The following FRMD7 variants were observed in gnomAD, a reference collection of about 807,000 sequenced individuals.
FRMD7 encodes the protein FERM domain-containing protein 7.
Under a neutral mutation model 44.1 loss-of-function variants are expected in FRMD7, and 14 were observed. That is an observed-to-expected ratio of 0.32 (90% CI 0.21 to 0.50). The LOEUF (loss-of-function observed/expected upper bound fraction) is 0.50. Ranked by LOEUF, FRMD7 falls within the 20% of genes least tolerant of loss-of-function variation. The pLI, the probability that FRMD7 is intolerant of heterozygous loss-of-function variation, is 0.99. For missense variants in FRMD7, 501 were observed against 522.3 expected, an observed-to-expected ratio of 0.96 and a Z score of 0.40; for synonymous variants, 212 against 187.4, an observed-to-expected ratio of 1.13 and a Z score of -1.07.
chrX:132,115,262 G>A (rs1340766292), intron 1 of FRMD7, among the ~76,000 whole-genome samples: 2 of 112,027 alleles, frequency 1.8e-5, no homozygotes, highest in African/African-American at 6.5e-5. Flanking sequence ...TTAGTCTGGG[G>A]CTGGCCCCAG....
At chrX:132,079,024 G>A in intron 11 of FRMD7, 58 bp from the exon 12 acceptor site, 1 of 1,015,454 alleles carries the variant, frequency 9.8e-7, no homozygotes, top group African/African-American at 1.8e-5. Flanking sequence ...TAGGGCTGGG[G>A]GAGGGATCTA....
chrX:132,078,186 C>T lies in FRMD7; in HGVS notation c.1831G>A (p.Gly611Arg), dbSNP rs1927674687. The T allele has an allele frequency of 1.7e-6, 2 of 1,210,062 alleles. No homozygotes were observed. Among genetic ancestry groups the T allele is most frequent in the Non-Finnish European group, 2.2e-6 (2 of 895,198 alleles). ...FPFGSEFRPL[G>R]PCPALSHKAD... The stretch of plus-strand genomic sequence containing the variant: ...TTATGACTGAGAGCAGGACAAGGCC[C>T]TAAAGGTCTAAATTCTGACCCAAAA... Residue 611 changes from glycine to arginine, a missense_variant, in exon 12 of 12, where the codon GGG (glycine) becomes AGG (arginine). Gly to Arg is a moderately radical substitution (Grantham distance 125). This residue lies in a region of FRMD7 where 453 missense variants were observed against 452.7 expected (regional missense o/e 1.00). Transcript: ENST00000298542.
intron 1 of FRMD7, among the ~76,000 whole-genome samples, chrX:132,106,159 T>C (rs1180626980): frequency 1.8e-5 from 2 of 111,512 alleles, no homozygotes; most frequent in African/African-American, 6.5e-5. Flanking sequence ...TACACAAATT[T>C]ACAAGAGAAA....
At chrX:132,120,567 C>T (rs1253153615) in intron 1 of FRMD7, among the ~76,000 whole-genome samples, 1 of 112,896 alleles carries the variant, frequency 8.9e-6, no homozygotes, top group Non-Finnish European at 1.9e-5. Context: ...AATGTTTTTG[C>T]GTTCGGGTTC....
chrX:132,111,635 A>G (rs937902528), intron 1 of FRMD7, among the ~76,000 whole-genome samples: 19 of 111,976 alleles, frequency 1.7e-4, no homozygotes, highest in African/African-American at 5.2e-4. Context: ...AATTTCCATC[A>G]GTCTTTTACT....
intron 1 of FRMD7, among the ~76,000 whole-genome samples, chrX:132,125,827 T>C (rs904130977): frequency 2.0e-4 from 22 of 111,635 alleles, no homozygotes; most frequent in African/African-American, 6.8e-4. Context: ...TTTACAATTG[T>C]ATATGAAGGA....
Position 132,078,236 on chromosome X carries a change from G to C in FRMD7, c.1781C>G (p.Ser594Ter). The C allele has an allele frequency of 2.5e-6, 3 of 1,211,414 alleles. No homozygotes were observed. The highest frequency in any genetic ancestry group is 3.4e-6 in the Non-Finnish European group (3 of 895,072). The change falls in exon 12 of 12, where the codon TCA (serine) becomes TGA (stop). Residue 594 changes from serine (S) to a stop codon, truncating the protein, a stop_gained. Transcript: ENST00000298542. LOFTEE classifies it high-confidence loss of function. The stretch of plus-strand genomic sequence containing the variant: ...AGGAAAACGAATAGTTTTCATGTCT[G>C]ATTGGCTCTGGGACCTTTTAGGGGT... ...EQTPKRSQSQSDMKTIRFPFG... is the reference protein window; with the variant it reads ...EQTPKRSQSQ
chrX:132,095,068 T>G (rs987557916), intron 4 of FRMD7, among the ~76,000 whole-genome samples: 1 of 81,837 alleles, frequency 1.2e-5, no homozygotes, highest in Non-Finnish European at 2.6e-5. Flanking sequence ...TTTTATTTAT[T>G]TATTTATTTA....
intron 4 of FRMD7, 32 bp downstream of exon 4, chrX:132,097,234 A>G: frequency 1.0e-6 from 1 of 953,025 alleles, no homozygotes; most frequent in Non-Finnish European, 1.5e-6. Flanking sequence ...CTTAAGTAAC[A>G]TCATGCAGAG....
chrX:132,103,264 C>T (rs1000895677), intron 1 of FRMD7, among the ~76,000 whole-genome samples: 2 of 112,051 alleles, frequency 1.8e-5, no homozygotes, highest in African/African-American at 6.5e-5. Context: ...TCTTGTAATA[C>T]TGCCTTATAT....
Position 132,077,697 on chromosome X carries a change from G to T in FRMD7, c.*175C>A. The T allele has an allele frequency of 1.6e-6, 1 of 640,576 alleles. No homozygotes were observed. The highest frequency in any genetic ancestry group is 2.4e-6 in the Non-Finnish European group (1 of 423,225). 52.8% of individuals were successfully genotyped at this position (640,576 alleles called of 1,213,427 possible). A position where few individuals can be genotyped will look rare whatever the true frequency, so the allele number is the denominator to read the frequency against. On this transcript the variant is annotated 3_prime_UTR_variant, in exon 12 of 12. Coordinates refer to ENST00000298542, the MANE Select transcript of FRMD7 (RefSeq NM_194277.3). ...GTCCCTTCAGAGGTAATGGAAGAGT[G>T]AAACTCAAGGAATGAGGCAACAGCT... is the stretch of plus-strand genomic sequence containing the variant.
At chrX:132,097,429 C>CCA (rs1234781449) in intron 3 of FRMD7, 85 bp from the exon 4 acceptor site, 7 of 390,280 alleles carry the variant, frequency 1.8e-5, no homozygotes, top group Non-Finnish European at 2.8e-5. Flanking sequence ...ACACACACAC[C>CCA]CACACACACA....
chrX:132,101,328 G>A (rs932281238), intron 1 of FRMD7, among the ~76,000 whole-genome samples: 16 of 111,126 alleles, frequency 1.4e-4, no homozygotes, highest in Non-Finnish European at 2.3e-4. Flanking sequence ...TCCACCTATC[G>A]CTCTTTCCAC....
At position 132,078,386 on chromosome X, in the gene FRMD7, T is replaced by C; in HGVS notation, c.1631A>G (p.Gln544Arg). The change falls in exon 12 of 12, where the codon CAG becomes CGG. Residue 544 changes from glutamine (Q) to arginine (R), a missense_variant. Physicochemically the swap from Gln to Arg is conservative, Grantham distance 43. Coordinates refer to ENST00000298542, the MANE Select transcript of FRMD7 (RefSeq NM_194277.3). ...TTCTTGGAGTACTTGCAGGTCTTGCTGAAAGCTCTTCATTCTGATATTCCT... is the reference window on the plus strand; with the variant it reads ...TTCTTGGAGTACTTGCAGGTCTTGCCGAAAGCTCTTCATTCTGATATTCCT... ...SPRNIRMKSFQQDLQVLQEAI... is the reference protein window; with the variant it reads ...SPRNIRMKSFRQDLQVLQEAI... 8.3e-7 allele frequency: 1 copy of C among 1,211,574 alleles called. No individual in the cohort carries two copies. Among genetic ancestry groups the C allele is most frequent in the Non-Finnish European group, 1.1e-6 (1 of 895,197 alleles).
chrX:132,098,019 C>T (rs1325750918), intron 3 of FRMD7, among the ~76,000 whole-genome samples: 1 of 111,492 alleles, frequency 9.0e-6, no homozygotes, highest in Admixed American at 9.5e-5. Flanking sequence ...AGTTATAACA[C>T]TCTAAAATGC....
At chrX:132,095,795 A>G (rs888935884) in intron 4 of FRMD7, among the ~76,000 whole-genome samples, 2 of 112,653 alleles carry the variant, frequency 1.8e-5, no homozygotes, top group Admixed American at 9.4e-5. Context: ...ATGAAGCCTA[A>G]CCTTTGTCAT....
At chrX:132,104,663 A>C (rs1157307958) in intron 1 of FRMD7, among the ~76,000 whole-genome samples, 1 of 111,775 alleles carries the variant, frequency 8.9e-6, no homozygotes, top group Non-Finnish European at 1.9e-5. Context: ...ACTGCACTCC[A>C]GCCTGGGCGA....
intron 1 of FRMD7, among the ~76,000 whole-genome samples, chrX:132,123,274 A>G (rs141258000): frequency 1.2e-3 from 134 of 111,669 alleles, no homozygotes; most frequent in African/African-American, 3.8e-3. Flanking sequence ...GGCAGAGTCA[A>G]ATCTATCCTG....
At chrX:132,098,990 T>A (rs775067775) in intron 3 of FRMD7, among the ~76,000 whole-genome samples, 1 of 112,062 alleles carries the variant, frequency 8.9e-6, no homozygotes, top group Non-Finnish European at 1.9e-5. Flanking sequence ...ACTCAGGCGA[T>A]CCTAATGCAC....
Sources: gnomAD v4.1 joint callset for allele counts (sites outside exome capture counted in the v4.1 genomes callset) on GRCh38, gnomAD v4.1.1 for gene constraint, gnomAD v4.1.1 regional missense constraint, MANE v1.5 for transcripts, NCBI Gene and HGNC (gene_info 2026-07-23, HGNC 2026-07-21) for gene names.